TANC1: variants seen among roughly 807,000 people sequenced by gnomAD.
TANC1 encodes the protein protein TANC1.
TANC1 carries 77 observed loss-of-function variants against 149.7 expected under a neutral mutation model. The observed-to-expected ratio is 0.51, with a 90% CI of 0.43 to 0.62. The LOEUF (loss-of-function observed/expected upper bound fraction) is 0.62. TANC1 is among the 20% of genes least tolerant of loss of function. The pLI is 0.00. For synonymous variants in TANC1, 854 were observed against 925.0 expected, an observed-to-expected ratio of 0.92 and a Z score of 1.39; for missense variants, 1,985 against 2,321.8, an observed-to-expected ratio of 0.85 and a Z score of 2.98.
intron 1 of TANC1, among the ~76,000 whole-genome samples, chr2:158,971,992 A>G (rs943779365): frequency 2.6e-5 from 4 of 152,200 alleles, no homozygotes; most frequent in Non-Finnish European, 2.9e-5. Context: ...TTTTAGGGTT[A>G]TATATGAGTT....
intron 19 of TANC1, among the ~76,000 whole-genome samples, chr2:159,209,739 C>T (rs2058859860): frequency 6.6e-6 from 1 of 151,644 alleles, no homozygotes; most frequent in Admixed American, 6.6e-5. Context: ...GAGAAATGTG[C>T]AGTGTGTCAG....
At chr2:159,157,980 A>G (rs534787403) in intron 7 of TANC1, among the ~76,000 whole-genome samples, 1 of 152,264 alleles carries the variant, frequency 6.6e-6, no homozygotes, top group Admixed American at 6.5e-5. Flanking sequence ...ATTTTCTATT[A>G]TAATAGTATA....
At chr2:159,045,639 T>C (rs573986372) in intron 2 of TANC1, among the ~76,000 whole-genome samples, 22 of 152,336 alleles carry the variant, frequency 1.4e-4, no homozygotes, top group African/African-American at 5.1e-4. Flanking sequence ...TAGTCATTAA[T>C]ATTTGAGATA....
intron 5 of TANC1, among the ~76,000 whole-genome samples, chr2:159,141,178 T>C (rs950007167): frequency 6.6e-6 from 1 of 152,184 alleles, no homozygotes; most frequent in Non-Finnish European, 1.5e-5. Flanking sequence ...AGATTTGGGG[T>C]CTGGCAAAGG....
At chr2:159,165,911 CT>C (rs2054557901) in intron 8 of TANC1, among the ~76,000 whole-genome samples, 1 of 152,210 alleles carries the variant, frequency 6.6e-6, no homozygotes, top group South Asian at 2.1e-4. Context: ...ATTGAGCTTG[CT>C]ACAGAGAATG....
intron 3 of TANC1, among the ~76,000 whole-genome samples, chr2:159,092,429 A>G (rs2045651464): frequency 6.6e-6 from 1 of 152,172 alleles, no homozygotes; most frequent in African/African-American, 2.4e-5. Context: ...CCAGATTGAC[A>G]TTTTCTTCCA....
chr2:159,131,814 A>C (rs945336428), intron 4 of TANC1, among the ~76,000 whole-genome samples: 4 of 152,338 alleles, frequency 2.6e-5, no homozygotes, highest in African/African-American at 9.6e-5. Flanking sequence ...ACAGCACTTT[A>C]TGTTCAGCTG....
chr2:159,202,718 C>G (rs988310560), intron 19 of TANC1, among the ~76,000 whole-genome samples: 1 of 152,074 alleles, frequency 6.6e-6, no homozygotes, highest in African/African-American at 2.4e-5. Flanking sequence ...GCTCTTGGCT[C>G]GGTGATATTC....
intron 1 of TANC1, among the ~76,000 whole-genome samples, chr2:158,993,364 A>G (rs2035854166): frequency 6.6e-6 from 1 of 151,980 alleles, no homozygotes; most frequent in Non-Finnish European, 1.5e-5. Flanking sequence ...CGATCCTTCC[A>G]CCTCAGCCTC....
chr2:159,054,376 G>T (rs118015555), intron 2 of TANC1, among the ~76,000 whole-genome samples: 2 of 152,296 alleles, frequency 1.3e-5, no homozygotes, highest in South Asian at 4.1e-4. Flanking sequence ...TAAATAAGGG[G>T]TGCTGGCTGC....
chr2:159,003,162 A>G (rs1183696867), intron 2 of TANC1, among the ~76,000 whole-genome samples: 5 of 152,198 alleles, frequency 3.3e-5, no homozygotes, highest in Admixed American at 6.5e-5. Flanking sequence ...TTTCAAGGAA[A>G]GGTAGCGGGT....
intron 4 of TANC1, among the ~76,000 whole-genome samples, chr2:159,116,448 CAACAACA>C (rs2048259394): frequency 7.3e-6 from 1 of 137,614 alleles, no homozygotes; most frequent in African/African-American, 2.9e-5. Context: ...ACAACAACAA[CAACAACA>C]AAAAAAAAAA....
chr2:159,212,405 G>A (rs1464574687), intron 19 of TANC1, among the ~76,000 whole-genome samples: 1 of 152,210 alleles, frequency 6.6e-6, no homozygotes, highest in Non-Finnish European at 1.5e-5. Context: ...AGAATCATGC[G>A]TGTTCAGGGT....
chr2:159,161,270 T>C (rs899289120), intron 7 of TANC1, among the ~76,000 whole-genome samples: 7 of 152,252 alleles, frequency 4.6e-5, no homozygotes, highest in African/African-American at 1.7e-4. Flanking sequence ...AATTTTTCAA[T>C]TTACAAATAC....
intron 1 of TANC1, among the ~76,000 whole-genome samples, chr2:158,974,907 A>ATTTTTTTTT (rs3028258): frequency 1.0e-3 from 104 of 103,290 alleles, no homozygotes; most frequent in Non-Finnish European, 1.2e-3. Context: ...TAATTTTTGT[A>ATTTTTTTTT]TTTTTTTTTT....
At chr2:159,102,758 G>A in intron 4 of TANC1, among the ~76,000 whole-genome samples, 1 of 49,886 alleles carries the variant, frequency 2.0e-5, no homozygotes, top group Non-Finnish European at 4.1e-5. Context: ...TCGCTCTATT[G>A]CCCAGGCTGG....
chr2:159,171,111 G>A (rs1181399322), intron 10 of TANC1, among the ~76,000 whole-genome samples: 1 of 152,194 alleles, frequency 6.6e-6, no homozygotes, highest in East Asian at 1.9e-4. Context: ...GGGGCCCTAA[G>A]AGCAAGGGGT....
chr2:159,016,169 T>C (rs1457830562), intron 2 of TANC1, among the ~76,000 whole-genome samples: 1 of 152,232 alleles, frequency 6.6e-6, no homozygotes. Context: ...CTCACAATCA[T>C]GGCGGAAGGT....
At chr2:159,026,473 C>T (rs2039351946) in intron 2 of TANC1, among the ~76,000 whole-genome samples, 1 of 152,196 alleles carries the variant, frequency 6.6e-6, no homozygotes, top group Non-Finnish European at 1.5e-5. Context: ...CTACCCTGCA[C>T]TCTAGCCTTT....
Sources: allele counts gnomAD v4.1 joint callset (sites outside exome capture counted in the v4.1 genomes callset), GRCh38; gene constraint gnomAD v4.1.1; transcripts MANE v1.5; gene names NCBI Gene and HGNC (gene_info 2026-07-23, HGNC 2026-07-21).